The following RRBP1 variants were observed in gnomAD, a reference collection of about 807,000 sequenced individuals.
RRBP1 encodes ribosome-binding protein 1.
In RRBP1, 94 loss-of-function variants were observed where a neutral mutation model predicts 165.2. That is an observed-to-expected ratio of 0.57 (90% confidence interval 0.48 to 0.68). The LOEUF is 0.68. Ranked by LOEUF, RRBP1 falls within the 30% of genes least tolerant of loss-of-function variation. RRBP1 has a pLI of 0.00. For missense variants in RRBP1, 1,676 were observed against 1,763.0 expected (o/e 0.95, Z 0.88); for synonymous variants, 680 against 714.5 (o/e 0.95, Z 0.77).
Position 17,636,727 on chromosome 20 carries a change from C to T in RRBP1, c.2187G>A (p.Glu729=), listed in dbSNP as rs2036255004. The T allele has an allele frequency of 1.9e-6, 3 of 1,612,830 alleles. No individual in the cohort carries two copies. Among genetic ancestry groups the T allele is most frequent in the South Asian group, 1.1e-5 (1 of 91,088 alleles). Residue 729 remains glutamate, a splice_region_variant and synonymous_variant, in exon 6 of 25, where the codon GAG becomes GAA. Transcript: ENST00000377813. ...CTGCTTTGGCCTTTTCTGCTGCCAT[C>T]TCCTGGGGGGAAAGTAGCAGAGAGA... ...AKSKLRELNK[E]MAAEKAKAAA... is the part of the protein sequence containing the mutation.
rs368581422 is a variant in RRBP1 at position 17,660,382 on chromosome 20, T to C, written c.126A>G (p.Leu42=). 1.2e-6 allele frequency: 2 copies of C among 1,614,092 alleles called. No individual in the cohort carries two copies. The highest frequency in any genetic ancestry group is 2.7e-5 in the African/African-American group (2 of 74,932). ...TCGCCATCTCCTTGCGCTGGTTGGC[T>C]AGGGCTTCTTCATATGACGTTTCCT... The part of the protein sequence containing the change: ...SMKETSYEEA[L]ANQRKEMAKT... The change falls in exon 3 of 25, where the codon CTA becomes CTG. Residue 42 remains leucine (L), a synonymous_variant. Coordinates refer to ENST00000377813, the MANE Select transcript of RRBP1 (RefSeq NM_001365613.2).
intron 3 of RRBP1, among the ~76,000 whole-genome samples, chr20:17,645,699 T>G (rs1485961659): frequency 1.3e-5 from 2 of 152,224 alleles, no homozygotes; most frequent in Non-Finnish European, 2.9e-5. Flanking sequence ...AACGGGAGCC[T>G]AAGGCGTGCC....
At chr20:17,614,715 T>C in intron 24 of RRBP1, 22 bp downstream of exon 24, 1 of 1,609,040 alleles carries the variant, frequency 6.2e-7, no homozygotes, top group Non-Finnish European at 8.5e-7. Context: ...CCTCCCGCCC[T>C]GCTTTGGCGC....
chr20:17,669,341 C>G (rs892590013), intron 2 of RRBP1, among the ~76,000 whole-genome samples: 1 of 152,200 alleles, frequency 6.6e-6, no homozygotes, highest in East Asian at 1.9e-4. Flanking sequence ...TTCCAAGAAG[C>G]CTACGGGCTT....
chr20:17,619,057 G>A (rs1485522134), intron 19 of RRBP1: 5 of 220,230 alleles, frequency 2.3e-5, no homozygotes, highest in African/African-American at 1.1e-4. Flanking sequence ...TAAGCAGCTG[G>A]GAACGGAGGT....
chr20:17,629,677 A>T, intron 9 of RRBP1, 146 bp downstream of exon 9: 1 of 844,248 alleles, frequency 1.2e-6, no homozygotes, highest in Non-Finnish European at 1.8e-6. Context: ...CTGCTCTTTG[A>T]CTTTCTGAGG....
rs771213076 is a variant in RRBP1 at position 17,659,967 on chromosome 20, C to T, written c.541G>A (p.Val181Met). 2 of 1,604,752 alleles carry T rather than the reference C, an allele frequency of 1.2e-6. No homozygotes were observed. The highest frequency in any genetic ancestry group is 1.7e-6 in the Non-Finnish European group (2 of 1,175,150). The stretch of plus-strand genomic sequence containing the variant: ...CCCTTGGCACCCACTGGGGGCACCA[C>T]CACCATCGGCACCTCCTTGGGAGCA... Reference protein sequence around the residue: ...ETAPKEVPMVVVPPVGAKGNT... With the variant: ...ETAPKEVPMVMVPPVGAKGNT... The change falls in exon 3 of 25, where the codon GTG becomes ATG. Residue 181 changes from valine to methionine, a missense_variant. Physicochemically the swap from Val to Met is conservative, Grantham distance 21. This residue lies in a region of RRBP1 where 392 missense variants were observed against 382.5 expected (regional missense o/e 1.02). Transcript: ENST00000377813.
intron 12 of RRBP1, among the ~76,000 whole-genome samples, chr20:17,625,136 C>T (rs1250835608): frequency 6.6e-6 from 1 of 151,974 alleles, no homozygotes; most frequent in Admixed American, 6.5e-5. Context: ...AGGGTGTGGC[C>T]GAGGCCACAC....
intron 16 of RRBP1, 65 bp downstream of exon 16, chr20:17,621,393 G>T (rs2035909868): frequency 1.6e-6 from 2 of 1,263,388 alleles, no homozygotes; most frequent in African/African-American, 1.5e-5. Context: ...TGCCCCATAG[G>T]CCCCGAAGCT....
intron 19 of RRBP1, 36 bp from the exon 20 acceptor site, chr20:17,618,715 A>G (rs1055681096): frequency 6.7e-7 from 1 of 1,498,860 alleles, no homozygotes; most frequent in Non-Finnish European, 9.3e-7. Context: ...ATGGGAAAAA[A>G]GGAGAGAAAA....
intron 8 of RRBP1, among the ~76,000 whole-genome samples, chr20:17,633,118 C>CTCAAG (rs915880614): frequency 8.5e-5 from 13 of 152,192 alleles, no homozygotes; most frequent in African/African-American, 3.1e-4. Flanking sequence ...GAGGTAGTTG[C>CTCAAG]TGAACTTCTC....
At chr20:17,677,694 C>T (rs1054080836) in intron 2 of RRBP1, among the ~76,000 whole-genome samples, 21 of 152,080 alleles carry the variant, frequency 1.4e-4, no homozygotes, top group Non-Finnish European at 1.0e-4. Flanking sequence ...ACAAAATTAG[C>T]CGGGTGTGGT....
chr20:17,615,203 G>A (rs565343094), intron 23 of RRBP1, among the ~76,000 whole-genome samples: 3 of 152,344 alleles, frequency 2.0e-5, no homozygotes, highest in Admixed American at 2.0e-4. Flanking sequence ...CGTTCTACAT[G>A]CTTCACATTT....
chr20:17,618,756 G>A lies in RRBP1; in HGVS notation c.3676-77C>T, dbSNP rs768074639. On this transcript the variant is annotated intron_variant, in intron 19 of 24. Transcript: ENST00000377813. ...AAACCAGTCCCCGTGAGTTAGCGCC[G>A]AAACATAAAACCTAACACATCCACT... 4.3e-5 allele frequency: 49 copies of A among 1,152,754 alleles called. 2 individuals carry two copies. The highest frequency in any genetic ancestry group is 2.5e-4 in the Admixed American group (14 of 55,046). 71.4% of individuals were successfully genotyped at this position (1,152,754 alleles called of 1,614,324 possible).
At chr20:17,641,598 C>T (rs186101774) in intron 5 of RRBP1, 199 bp downstream of exon 5, 20 of 642,644 alleles carry the variant, frequency 3.1e-5, no homozygotes, top group South Asian at 2.2e-4. Context: ...CGTAGAGCCA[C>T]GAGCACTGCC....
chr20:17,624,767 G>A lies in RRBP1; in HGVS notation c.3055-99C>T, dbSNP rs914519587. On this transcript the variant is annotated intron_variant, in intron 12 of 24. Coordinates refer to ENST00000377813, the MANE Select transcript of RRBP1 (RefSeq NM_001365613.2). ...ACAGGGCCCAGAGACCCTCCTTGAT[G>A]CCACCCTGGCCCACAGAGGACCTGC... The A allele has an allele frequency of 1.9e-5, 16 of 822,224 alleles. 1 individual carries two copies. The highest frequency in any genetic ancestry group is 1.7e-4 in the Admixed American group (8 of 48,260). 50.9% of individuals were successfully genotyped at this position (822,224 alleles called of 1,614,324 possible).
rs147793235 is a variant in RRBP1 at position 17,660,785 on chromosome 20, T to G, written c.-21-257A>C. On this transcript the variant is annotated intron_variant, in intron 2 of 24. Transcript: ENST00000377813. ...AGTCAGAGCAGAGTGGAGGCCTATC[T>G]CTGGAGCACACACGCCCAGGAGCCT... Among the ~76,000 whole-genome samples the G allele has an allele frequency of 1.2e-3, 182 of 152,258 alleles. 2 individuals are homozygous for G. Among genetic ancestry groups the G allele is most frequent in the African/African-American group, 4.3e-3 (178 of 41,538 alleles).
intron 2 of RRBP1, among the ~76,000 whole-genome samples, chr20:17,674,962 T>C (rs1025757528): frequency 9.2e-5 from 14 of 152,192 alleles, no homozygotes; most frequent in African/African-American, 3.4e-4. Flanking sequence ...TAAAGGATGC[T>C]CACAGCCAAG....
chr20:17,620,313 C>T lies in RRBP1; in HGVS notation c.3565G>A (p.Glu1189Lys), dbSNP rs1291420253. 4 of 1,613,706 alleles carry T rather than the reference C, an allele frequency of 2.5e-6. No individual in the cohort carries two copies. The highest frequency in any genetic ancestry group is 3.4e-6 in the Non-Finnish European group (4 of 1,179,722). Residue 1189 changes from glutamate to lysine, a missense_variant, in exon 18 of 25, where the codon GAA becomes AAA. Physicochemically the swap from Glu to Lys is moderately conservative, Grantham distance 56. Transcript: ENST00000377813. ...EIVEKLKGEL[E>K]SSDQVREHTS... ...AGAGCACATACCTGGTCCGAACTTT[C>T]AAGTTCTCCTTTTAGCTTCTCTACA...
Sources: gnomAD v4.1 joint callset for allele counts (sites outside exome capture counted in the v4.1 genomes callset) on GRCh38, gnomAD v4.1.1 for gene constraint, gnomAD v4.1.1 regional missense constraint, MANE v1.5 for transcripts, NCBI Gene and HGNC (gene_info 2026-07-23, HGNC 2026-07-21) for gene names.